Variants in IL6R observed in about 807,000 individuals in gnomAD.
IL6R encodes the protein interleukin 6 receptor.
IL6R carries 38 observed loss-of-function variants against 48.3 expected under a neutral mutation model. The observed-to-expected ratio is 0.79, with a 90% CI of 0.61 to 1.03. The LOEUF is 1.03. IL6R is among the 50% of genes least tolerant of loss of function. The pLI, the probability that IL6R is intolerant of heterozygous loss-of-function variation, is 0.00. For missense variants in IL6R, 534 were observed against 618.3 expected (o/e 0.86, Z 1.45); for synonymous variants, 264 against 256.2 (o/e 1.03, Z -0.29).
intron 9 of IL6R, among the ~76,000 whole-genome samples, chr1:154,456,592 A>G (rs1690903874): frequency 6.6e-6 from 1 of 151,958 alleles, no homozygotes; most frequent in South Asian, 2.1e-4. Context: ...GTCCGGGATG[A>G]CCCTCCCATT....
Position 154,435,010 on chromosome 1 carries a change from A to G in IL6R, c.661A>G (p.Asn221Asp). The G allele has an allele frequency of 6.2e-7, 1 of 1,614,168 alleles. No individual in the cohort carries two copies. The highest frequency in any genetic ancestry group is 2.2e-5 in the East Asian group (1 of 44,892). Residue 221 changes from asparagine (N) to aspartate (D), a missense_variant, in exon 5 of 10, where the codon AAC becomes GAC. Coordinates refer to ENST00000368485, the MANE Select transcript of IL6R (RefSeq NM_000565.4). ...CACAGTGCAGCCTGATCCGCCTGCCAACATCACAGTCACTGCCGTGGCCAG... is the reference window on the plus strand; with the variant it reads ...CACAGTGCAGCCTGATCCGCCTGCCGACATCACAGTCACTGCCGTGGCCAG... ...CGILQPDPPA[N>D]ITVTAVARNP...
At chr1:154,406,727 G>A (rs1687741968) in intron 1 of IL6R, among the ~76,000 whole-genome samples, 1 of 152,188 alleles carries the variant, frequency 6.6e-6, no homozygotes, top group African/African-American at 2.4e-5. Flanking sequence ...CCTTTGAGGA[G>A]GTGACTTTCT....
chr1:154,450,356 C>T (rs1216075553), intron 8 of IL6R, among the ~76,000 whole-genome samples: 1 of 152,192 alleles, frequency 6.6e-6, no homozygotes, highest in South Asian at 2.1e-4. Context: ...GAACTCCTGA[C>T]GTTGTGATCC....
chr1:154,423,295 TAAGAGCA>T (rs1688794077), intron 1 of IL6R, among the ~76,000 whole-genome samples: 1 of 77,748 alleles, frequency 1.3e-5, no homozygotes, highest in Non-Finnish European at 3.0e-5. Context: ...GTATTCATTA[TAAGAGCA>T]ATATAGGCAA....
In IL6R at chr1:154,429,445, G is replaced by T; in HGVS notation, c.334+1G>T. 1.9e-6 allele frequency: 3 copies of T among 1,607,134 alleles called. No homozygotes were observed. Among genetic ancestry groups the T allele is most frequent in the Non-Finnish European group, 2.6e-6 (3 of 1,174,344 alleles). ...GGGACTGTGCACTTGCTGGTGGATG[G>T]TGAGTTGTGCCTCAGAGGTCCCGGA... is the stretch of plus-strand genomic sequence containing the variant. On this transcript the variant is annotated splice_donor_variant, in intron 2 of 9. Transcript: ENST00000368485. LOFTEE classifies it high-confidence loss of function.
At chr1:154,430,359 C>T in intron 2 of IL6R, 124 bp from the exon 3 acceptor site, 1 of 1,262,146 alleles carries the variant, frequency 7.9e-7, no homozygotes, top group Non-Finnish European at 1.1e-6. Flanking sequence ...TCCTGACTAG[C>T]TCCAGGGCTG....
intron 1 of IL6R, among the ~76,000 whole-genome samples, chr1:154,415,701 G>A (rs1033912592): frequency 4.6e-5 from 7 of 152,216 alleles, no homozygotes; most frequent in African/African-American, 1.2e-4. Flanking sequence ...TGTATCAGCC[G>A]GGTGCAGTGG....
chr1:154,435,403 G>T (rs1025100601), intron 5 of IL6R, among the ~76,000 whole-genome samples: 1 of 152,032 alleles, frequency 6.6e-6, no homozygotes, highest in Non-Finnish European at 1.5e-5. Flanking sequence ...CCAGCTATTC[G>T]GGGGCTGAGA....
rs545892809 is a variant in IL6R, at chr1:154,452,806, G to A, written c.1067-1682G>A. ...AGACAGCGCCACTGAGCAAGACTCC[G>A]TCTCAAAAAAAAAAAAAATTCATTT... On this transcript the variant is annotated intron_variant, in intron 8 of 9. Transcript: ENST00000368485. Among the ~76,000 whole-genome samples the A allele has an allele frequency of 1.0e-4, 15 of 149,352 alleles. No homozygotes were observed. The East Asian group carries it at 2.4e-3, about 23-fold the overall frequency.
chr1:154,435,161 A>G lies in IL6R; in HGVS notation c.807+5A>G. 4.3e-6 allele frequency: 7 copies of G among 1,613,678 alleles called. No homozygotes were observed. Among genetic ancestry groups the G allele is most frequent in the Non-Finnish European group, 5.9e-6 (7 of 1,179,652 alleles). ...AAGACATTCACAACATGGATGGTAAATTTATGTTTTACTTCTGGTCAGAGA... is the reference window on the plus strand; with the variant it reads ...AAGACATTCACAACATGGATGGTAAGTTTATGTTTTACTTCTGGTCAGAGA... On this transcript the variant is annotated splice_donor_5th_base_variant and intron_variant, in intron 5 of 9. Transcript: ENST00000368485.
chr1:154,429,525 C>G (rs909352035), intron 2 of IL6R, 81 bp downstream of exon 2: 17 of 1,445,856 alleles, frequency 1.2e-5, no homozygotes, highest in Admixed American at 4.3e-5. Flanking sequence ...CCTGTCTGAG[C>G]CTTCAAACTC....
In IL6R at chr1:154,405,974, G is replaced by C. The variant is rs1262308484; in HGVS notation, c.85+260G>C. On this transcript the variant is annotated intron_variant, in intron 1 of 9. Coordinates refer to ENST00000368485, the MANE Select transcript of IL6R (RefSeq NM_000565.4). This position sits in a 1 kb window ranked among gnomAD's most constrained non-coding sequence, Gnocchi z 5.2. ...AAGCTGTGCGGGAACCCTGCGGTCTGTGTACAGGACTGTGTCCTTGCAAAC... is the reference window on the plus strand; with the variant it reads ...AAGCTGTGCGGGAACCCTGCGGTCTCTGTACAGGACTGTGTCCTTGCAAAC... Among the ~76,000 whole-genome samples the C allele has an allele frequency of 6.6e-6, 1 of 152,190 alleles. No homozygotes were observed. Among genetic ancestry groups the C allele is most frequent in the Non-Finnish European group, 1.5e-5 (1 of 68,012 alleles).
chr1:154,446,974 T>C (rs986781239), intron 6 of IL6R, among the ~76,000 whole-genome samples: 1 of 152,192 alleles, frequency 6.6e-6, no homozygotes, highest in South Asian at 2.1e-4. Context: ...ATGTCTTCAA[T>C]GTTTTTCTAA....
At chr1:154,460,049 G>C (rs964360414) in intron 9 of IL6R, among the ~76,000 whole-genome samples, 1 of 152,198 alleles carries the variant, frequency 6.6e-6, no homozygotes. Flanking sequence ...TGGGGTAAAA[G>C]GGGTGGCAAC....
At chr1:154,409,633 T>A (rs1378985411) in intron 1 of IL6R, among the ~76,000 whole-genome samples, 1 of 152,140 alleles carries the variant, frequency 6.6e-6, no homozygotes, top group Non-Finnish European at 1.5e-5. Context: ...GTGTAGGTGA[T>A]CATTCATTCA....
At chr1:154,452,206 A>T (rs2149266271) in intron 8 of IL6R, among the ~76,000 whole-genome samples, 1 of 152,278 alleles carries the variant, frequency 6.6e-6, no homozygotes, top group East Asian at 1.9e-4. Context: ...CTTAAAACAC[A>T]AATCCAAGCT....
chr1:154,407,649 A>G (rs548717438), intron 1 of IL6R, among the ~76,000 whole-genome samples: 4 of 152,308 alleles, frequency 2.6e-5, no homozygotes, highest in Non-Finnish European at 5.9e-5. Flanking sequence ...TGAGGAGCAG[A>G]GGGGGAGCAG....
intron 3 of IL6R, among the ~76,000 whole-genome samples, chr1:154,431,300 C>T (rs1194595856): frequency 6.6e-6 from 1 of 152,140 alleles, no homozygotes; most frequent in Non-Finnish European, 1.5e-5. Context: ...TTGCTGGTCT[C>T]CATCCCAGAG....
At chr1:154,445,884 A>G (rs1019873599) in intron 6 of IL6R, among the ~76,000 whole-genome samples, 3 of 152,024 alleles carry the variant, frequency 2.0e-5, no homozygotes, top group Non-Finnish European at 4.4e-5. Flanking sequence ...ACGAGCATCC[A>G]TGGGCAGCCA....
Sources: gnomAD v4.1 joint callset for allele counts (sites outside exome capture counted in the v4.1 genomes callset) on GRCh38, gnomAD v4.1.1 for gene constraint, Gnocchi (gnomAD v3.1) non-coding constraint, MANE v1.5 for transcripts, NCBI Gene and HGNC (gene_info 2026-07-23, HGNC 2026-07-21) for gene names.